GALNT11: variants seen among roughly 807,000 people sequenced by gnomAD.
The protein encoded by GALNT11 is UDP-GalNAc:polypeptide N-acetylgalactosaminyltransferase 11.
Under a neutral mutation model 72.7 loss-of-function variants are expected in GALNT11, and 47 were observed. That is an observed-to-expected ratio of 0.65 (90% CI 0.51 to 0.82). The LOEUF (loss-of-function observed/expected upper bound fraction) is 0.82, where lower values mean the gene tolerates loss of function less well. GALNT11 is among the 40% of genes least tolerant of loss of function. GALNT11 has a pLI of 0.00. For synonymous variants in GALNT11, 270 were observed against 286.6 expected (o/e 0.94, Z 0.58); for missense variants, 677 against 778.4 (o/e 0.87, Z 1.55).
At chr7:152,040,421 A>G (rs1169035612) in intron 1 of GALNT11, among the ~76,000 whole-genome samples, 1 of 152,228 alleles carries the variant, frequency 6.6e-6, no homozygotes, top group Non-Finnish European at 1.5e-5. Flanking sequence ...TAATAGCTTT[A>G]GCTTCTTTCC....
Position 152,116,623 on chromosome 7 carries a change from T to C in GALNT11, c.1234-534T>C, listed in dbSNP as rs550370420. On this transcript the variant is annotated intron_variant, in intron 8 of 11. Coordinates refer to ENST00000430044, the MANE Select transcript of GALNT11 (RefSeq NM_022087.4). ...CATCGTAACTAGACTTCGAAAGTTATTGAATTTTGGAGTAGTATTAACCCC... is the reference window on the plus strand; with the variant it reads ...CATCGTAACTAGACTTCGAAAGTTACTGAATTTTGGAGTAGTATTAACCCC... Among the ~76,000 whole-genome samples, 5 of 152,334 alleles carry C rather than the reference T, an allele frequency of 3.3e-5. No individual in the cohort carries two copies. The South Asian group carries it at 8.3e-4, about 25-fold the overall frequency.
intron 1 of GALNT11, among the ~76,000 whole-genome samples, chr7:152,081,081 G>T (rs1468667776): frequency 6.6e-6 from 1 of 152,036 alleles, no homozygotes; most frequent in Non-Finnish European, 1.5e-5. Flanking sequence ...TTTTCTTTAG[G>T]ATTATTTAAG....
chr7:152,100,079 C>T (rs945481087), intron 2 of GALNT11, among the ~76,000 whole-genome samples: 5 of 151,486 alleles, frequency 3.3e-5, no homozygotes, highest in Non-Finnish European at 5.9e-5. Context: ...GCGTCTGACC[C>T]GGGAAGCTCT....
chr7:152,070,330 T>A (rs1383849949), intron 1 of GALNT11, among the ~76,000 whole-genome samples: 5 of 152,100 alleles, frequency 3.3e-5, no homozygotes, highest in African/African-American at 9.7e-5. Flanking sequence ...TTTATGTGAT[T>A]CAACTTTATC....
chr7:152,067,689 T>A (rs1300578642), intron 1 of GALNT11, among the ~76,000 whole-genome samples: 1 of 152,200 alleles, frequency 6.6e-6, no homozygotes, highest in Non-Finnish European at 1.5e-5. Context: ...TCTAAGGACT[T>A]CTGGTCCTTT....
intron 1 of GALNT11, among the ~76,000 whole-genome samples, chr7:152,048,512 T>C (rs1031133347): frequency 2.0e-5 from 3 of 151,762 alleles, no homozygotes; most frequent in African/African-American, 7.3e-5. Context: ...CTCTTTAAGG[T>C]CAACAACTTT....
chr7:152,056,247 C>T (rs1183694825), intron 1 of GALNT11, among the ~76,000 whole-genome samples: 1 of 152,162 alleles, frequency 6.6e-6, no homozygotes, highest in Admixed American at 6.6e-5. Context: ...GACATTTGGA[C>T]CAGATAATTC....
At chr7:152,065,240 C>A (rs891295214) in intron 1 of GALNT11, among the ~76,000 whole-genome samples, 1 of 152,196 alleles carries the variant, frequency 6.6e-6, no homozygotes, top group East Asian at 1.9e-4. Context: ...TCCAGTTGAT[C>A]TAATCAGCTA....
At chr7:152,035,714 G>A (rs1466816141) in intron 1 of GALNT11, among the ~76,000 whole-genome samples, 1 of 152,196 alleles carries the variant, frequency 6.6e-6, no homozygotes, top group African/African-American at 2.4e-5. Context: ...GTTTTAACTG[G>A]CCGCTAGTCA....
At chr7:152,051,199 G>GTTTTTTTTTTTTTTTTTTTTTT (rs35668155) in intron 1 of GALNT11, among the ~76,000 whole-genome samples, 1 of 46,808 alleles carries the variant, frequency 2.1e-5, no homozygotes, top group Non-Finnish European at 4.9e-5. Flanking sequence ...ATATCTGGTT[G>GTTTTTTTTTTTTTTTTTTTTTT]TTTTTTTTTT....
In GALNT11 at chr7:152,120,924, A is replaced by G; in HGVS notation, c.1651A>G (p.Met551Val). 1.2e-6 allele frequency: 2 copies of G among 1,614,130 alleles called. No individual in the cohort carries two copies. Among genetic ancestry groups the G allele is most frequent in the Non-Finnish European group, 1.7e-6 (2 of 1,180,018 alleles). The change falls in exon 11 of 12, where the codon ATG becomes GTG. Residue 551 changes from methionine to valine, a missense_variant. Transcript: ENST00000430044. ...TCGCTCATCAGACCCGCCACGGCTC[A>G]TGAAATGCCACGGGTCAGGAGGATC... ...ETRSSDPPRL[M>V]KCHGSGGSQQ...
In GALNT11 at chr7:152,077,820, AG is replaced by A. The variant is rs149155569; in HGVS notation, c.-38-16369del. 1.1e-3 allele frequency among the ~76,000 whole-genome samples: 168 copies of A among 152,328 alleles called. 2 individuals are homozygous for A. Among genetic ancestry groups the A allele is most frequent in the African/African-American group, 3.9e-3 (163 of 41,578 alleles). ...AGAACCCGCACAGATAACAGAGGAT[AG>A]AAACAGGCTTTGCAGACAGTGGAAT... On this transcript the variant is annotated intron_variant, in intron 1 of 11. Transcript: ENST00000430044.
rs202095773 is a variant in GALNT11, at chr7:152,110,738, A to AT, written c.1080+102dup. Reference sequence around the variant, plus strand: ...TATTTTCTTTATATTCTCCTTGATTATTTTTTTTTCGAGATAGGGTCTTTC... The same window carrying AT: ...TATTTTCTTTATATTCTCCTTGATTATTTTTTTTTTCGAGATAGGGTCTTTC... On this transcript the variant is annotated intron_variant, in intron 7 of 11. Transcript: ENST00000430044. The AT allele has an allele frequency of 4.1e-3, 4,126 of 1,012,448 alleles. 54 individuals carry two copies. In the African/African-American group the frequency reaches 0.042, roughly 10 times the overall value. The allele number at this position is 1,012,448 out of a possible 1,614,324, so 62.7% of individuals were successfully genotyped here.
At chr7:152,030,646 T>C (rs1436071686) in intron 1 of GALNT11, among the ~76,000 whole-genome samples, 2 of 152,208 alleles carry the variant, frequency 1.3e-5, no homozygotes, top group African/African-American at 2.4e-5. Flanking sequence ...TTCTCTTTGA[T>C]GACTTCTTTG....
intron 1 of GALNT11, among the ~76,000 whole-genome samples, chr7:152,086,763 A>C (rs34346516): frequency 0.049 from 7,502 of 152,318 alleles, 317 homozygotes; most frequent in East Asian, 0.2. Flanking sequence ...TGTTGTTGTC[A>C]GTGAATTCTG....
In GALNT11 at chr7:152,121,646, C is replaced by T; in HGVS notation, c.1796C>T (p.Ser599Phe). 12 of 1,614,144 alleles carry T rather than the reference C, an allele frequency of 7.4e-6. No homozygotes were observed. Among genetic ancestry groups the T allele is most frequent in the African/African-American group, 2.7e-5 (2 of 75,040 alleles). Residue 599 changes from serine (S) to phenylalanine (F), a missense_variant, in exon 12 of 12, where the codon TCC becomes TTC. By Grantham distance (155) the Ser-to-Phe change is radical. Transcript: ENST00000430044. ...GTCGCCATGGCGATCTGCGATGGCTCCTCTTCACAGCAGTGGCATTTGGAA... is the reference window on the plus strand; with the variant it reads ...GTCGCCATGGCGATCTGCGATGGCTTCTCTTCACAGCAGTGGCATTTGGAA... ...GSVAMAICDG[S>F]SSQQWHLEG is the part of the protein sequence containing the mutation.
chr7:152,096,467 A>G (rs2086378052), intron 2 of GALNT11, among the ~76,000 whole-genome samples: 1 of 152,202 alleles, frequency 6.6e-6, no homozygotes, highest in African/African-American at 2.4e-5. Context: ...CTGTAATCTC[A>G]GCACTTTGGG....
intron 1 of GALNT11, among the ~76,000 whole-genome samples, chr7:152,043,789 C>T (rs778836387): frequency 7.2e-5 from 11 of 152,172 alleles, no homozygotes; most frequent in South Asian, 4.1e-4. Flanking sequence ...TGCCGCTTTA[C>T]CTTTAGCTGG....
intron 5 of GALNT11, 197 bp from the exon 6 acceptor site, chr7:152,107,841 G>T: frequency 1.7e-6 from 1 of 576,126 alleles, no homozygotes; most frequent in Non-Finnish European, 3.1e-6. Flanking sequence ...GCAGGACACT[G>T]CACGCAGCAT....
Sources: gnomAD v4.1 joint callset for allele counts (sites outside exome capture counted in the v4.1 genomes callset) on GRCh38, gnomAD v4.1.1 for gene constraint, MANE v1.5 for transcripts, NCBI Gene and HGNC (gene_info 2026-07-23, HGNC 2026-07-21) for gene names.